RIPK2: variants seen among roughly 807,000 people sequenced by gnomAD.
RIPK2 encodes the protein receptor-interacting serine/threonine-protein kinase 2.
Under a neutral mutation model 60.9 loss-of-function variants are expected in RIPK2, and 38 were observed. That is an observed-to-expected ratio of 0.62 (90% CI 0.48 to 0.82). RIPK2 has a LOEUF of 0.82. Among genes scored for constraint, RIPK2 ranks in the 40% least tolerant of loss-of-function variants. RIPK2 has a pLI of 0.00. For synonymous variants in RIPK2, 225 were observed against 223.4 expected, an observed-to-expected ratio of 1.01 and a Z score of -0.06; for missense variants, 518 against 647.0, an observed-to-expected ratio of 0.80 and a Z score of 2.16.
intron 3 of RIPK2, among the ~76,000 whole-genome samples, chr8:89,768,497 A>C (rs1809263713): frequency 6.6e-6 from 1 of 151,676 alleles, no homozygotes. Context: ...CCTTTTGTTA[A>C]TCCGCGCTTT....
At chr8:89,759,646 G>C (rs982956106) in intron 1 of RIPK2, among the ~76,000 whole-genome samples, 1 of 152,212 alleles carries the variant, frequency 6.6e-6, no homozygotes, top group Non-Finnish European at 1.5e-5. Context: ...TACAAGGTGT[G>C]GTGTCTGTTT....
At chr8:89,771,286 A>G (rs935410988) in intron 4 of RIPK2, among the ~76,000 whole-genome samples, 2 of 151,890 alleles carry the variant, frequency 1.3e-5, no homozygotes, top group Non-Finnish European at 1.5e-5. Flanking sequence ...TATAAACTCT[A>G]TGCAGCTTAA....
chr8:89,782,271 TAGGTTCATCATACTACTTAGA>T (rs1211307286), intron 7 of RIPK2, among the ~76,000 whole-genome samples: 4 of 152,232 alleles, frequency 2.6e-5, no homozygotes, highest in Non-Finnish European at 5.9e-5. Flanking sequence ...AATGGAGCTG[TAGGTTCATCATACTACTTAGA>T]ACTGCATGTG....
chr8:89,767,256 A>G (rs758602474), intron 3 of RIPK2, among the ~76,000 whole-genome samples: 1 of 151,816 alleles, frequency 6.6e-6, no homozygotes, highest in Non-Finnish European at 1.5e-5. Context: ...AATAAAAAGT[A>G]GTTTTTGAGT....
chr8:89,782,421 T>C (rs1227832670), intron 7 of RIPK2, among the ~76,000 whole-genome samples: 2 of 152,194 alleles, frequency 1.3e-5, no homozygotes, highest in East Asian at 3.8e-4. Flanking sequence ...GGGACTACCG[T>C]ATAGGGAAGT....
In RIPK2 at chr8:89,780,170, T is replaced by A; in HGVS notation, c.939+10T>A. 7.3e-7 allele frequency: 1 copy of A among 1,369,266 alleles called. No homozygotes were observed. The highest frequency in any genetic ancestry group is 1.0e-6 in the Non-Finnish European group (1 of 983,308). 84.8% of individuals were successfully genotyped at this position (1,369,266 alleles called of 1,614,324 possible). On this transcript the variant is annotated intron_variant, in intron 7 of 10. Coordinates refer to ENST00000220751, the MANE Select transcript of RIPK2 (RefSeq NM_003821.6). ...GCTAAAGAAAACAAAGGTAAGTTGC[T>A]AAATGAAATGCTGGAAATTAGAAAT...
In RIPK2 at chr8:89,789,415, C is replaced by T. The variant is rs202213761; in HGVS notation, c.1218C>T (p.Phe406=). 6.2e-7 allele frequency: 1 copy of T among 1,613,962 alleles called. No individual in the cohort carries two copies. ...TTTCTGGATCTCAAAGGGCTGCATT[C>T]TGTGATCACAAGACCACTCCATGCT... ...STISGSQRAA[F]CDHKTTPCSS... is the part of the protein sequence containing the mutation. The change falls in exon 10 of 11, where the codon TTC becomes TTT. Residue 406 remains phenylalanine, a synonymous_variant. Coordinates refer to ENST00000220751, the MANE Select transcript of RIPK2 (RefSeq NM_003821.6).
At chr8:89,775,349 G>A (rs1809379392) in intron 6 of RIPK2, among the ~76,000 whole-genome samples, 1 of 152,204 alleles carries the variant, frequency 6.6e-6, no homozygotes, top group Non-Finnish European at 1.5e-5. Flanking sequence ...TACTTGGGAG[G>A]CTGAGGCAGG....
chr8:89,773,629 GA>G (rs1809349364), intron 6 of RIPK2, among the ~76,000 whole-genome samples: 2 of 152,150 alleles, frequency 1.3e-5, no homozygotes, highest in South Asian at 4.1e-4. Flanking sequence ...CTGCTGTGTG[GA>G]AAGTTGATTG....
chr8:89,768,149 A>T (rs1187619048), intron 3 of RIPK2, among the ~76,000 whole-genome samples: 21 of 151,604 alleles, frequency 1.4e-4, no homozygotes, highest in Non-Finnish European at 1.5e-5. Context: ...TGTCAACAAA[A>T]AACCCTTGGA....
intron 1 of RIPK2, chr8:89,759,330 C>T: frequency 2.2e-6 from 1 of 456,274 alleles, no homozygotes. Context: ...AGGGATTTAA[C>T]TAGGCCCAGC....
At chr8:89,760,051 T>C (rs892419408) in intron 1 of RIPK2, among the ~76,000 whole-genome samples, 4 of 152,188 alleles carry the variant, frequency 2.6e-5, no homozygotes, top group Admixed American at 2.6e-4. Context: ...CATTCTTTTC[T>C]CCAATTTGTT....
chr8:89,772,698 T>C lies in RIPK2; in HGVS notation c.723T>C (p.Ser241=). The part of the protein sequence containing the change: ...DVTNPLQIMY[S]VSQGHRPVIN... ...CCAATCCTTTGCAGATAATGTATAGTGTGTCACAAGGACATCGACCTGTTA... is the reference window on the plus strand; with the variant it reads ...CCAATCCTTTGCAGATAATGTATAGCGTGTCACAAGGACATCGACCTGTTA... Residue 241 remains serine, a synonymous_variant, in exon 6 of 11, where the codon AGT becomes AGC. Transcript: ENST00000220751. 1 of 1,610,700 alleles carries C rather than the reference T, an allele frequency of 6.2e-7. No individual in the cohort carries two copies. The highest frequency in any genetic ancestry group is 8.5e-7 in the Non-Finnish European group (1 of 1,177,924).
intron 1 of RIPK2, among the ~76,000 whole-genome samples, chr8:89,762,467 A>G (rs757786944): frequency 7.9e-5 from 12 of 152,200 alleles, no homozygotes; most frequent in Non-Finnish European, 1.2e-4. Flanking sequence ...TTTGAATACA[A>G]TGTAAACTTA....
chr8:89,763,882 A>C (rs2130545898), intron 2 of RIPK2, among the ~76,000 whole-genome samples: 1 of 152,290 alleles, frequency 6.6e-6, no homozygotes, highest in South Asian at 2.1e-4. Flanking sequence ...CCAAGATACA[A>C]ATATTAATAA....
Position 89,768,541 on chromosome 8 carries a change from C to T in RIPK2, c.484-1231C>T, listed in dbSNP as rs1586121235. 5.3e-5 allele frequency among the ~76,000 whole-genome samples: 8 copies of T among 151,784 alleles called. No homozygotes were observed. The South Asian group carries it at 1.7e-3, about 31-fold the overall frequency. ...ACTCATTCAGTTTGTCTGGAATACTCCTAAAAGTGCTATTATACAGCCCAT... is the reference window on the plus strand; with the variant it reads ...ACTCATTCAGTTTGTCTGGAATACTTCTAAAAGTGCTATTATACAGCCCAT... On this transcript the variant is annotated intron_variant, in intron 3 of 10. Coordinates refer to ENST00000220751, the MANE Select transcript of RIPK2 (RefSeq NM_003821.6).
chr8:89,766,978 C>T (rs953127942), intron 3 of RIPK2, among the ~76,000 whole-genome samples: 2 of 151,800 alleles, frequency 1.3e-5, no homozygotes, highest in Admixed American at 6.6e-5. Context: ...TTAACAGGGA[C>T]TTTCACAAAG....
At chr8:89,785,419 A>G (rs1040954802) in intron 8 of RIPK2, among the ~76,000 whole-genome samples, 1 of 152,072 alleles carries the variant, frequency 6.6e-6, no homozygotes. Flanking sequence ...GCACCACTGC[A>G]GTCCACCCTG....
intron 7 of RIPK2, among the ~76,000 whole-genome samples, chr8:89,781,985 A>G (rs1004796641): frequency 2.0e-5 from 3 of 152,152 alleles, no homozygotes; most frequent in African/African-American, 4.8e-5. Context: ...GCAAAAAAAC[A>G]TAACAAAACA....
Sources: gnomAD v4.1 joint callset for allele counts (sites outside exome capture counted in the v4.1 genomes callset) on GRCh38, gnomAD v4.1.1 for gene constraint, MANE v1.5 for transcripts, NCBI Gene and HGNC (gene_info 2026-07-23, HGNC 2026-07-21) for gene names.